DROSHA: variants seen among roughly 807,000 people sequenced by gnomAD.
The protein encoded by DROSHA is ribonuclease 3.
In DROSHA, 56 loss-of-function variants were observed where a neutral mutation model predicts 181.9. The ratio of observed to expected loss-of-function variants is 0.31; its 90% CI spans 0.25 to 0.38. The LOEUF is 0.38. Among genes scored for constraint, DROSHA ranks in the 10% least tolerant of loss-of-function variants. The probability of loss-of-function intolerance (pLI) is 1.00; values close to 1 mark genes in which losing one functional copy is unlikely to be tolerated. For synonymous variants in DROSHA, 524 were observed against 591.2 expected (o/e 0.89, Z 1.65); for missense variants, 1,218 against 1,743.5 (o/e 0.70, Z 5.37).
At chr5:31,495,618 T>C (rs898939200) in intron 11 of DROSHA, among the ~76,000 whole-genome samples, 2 of 152,082 alleles carry the variant, frequency 1.3e-5, no homozygotes. Context: ...AGGCCGCAAA[T>C]GTCTGAGGTT....
At chr5:31,449,539 G>T in intron 21 of DROSHA, 120 bp from the exon 22 acceptor site, 1 of 1,074,398 alleles carries the variant, frequency 9.3e-7, no homozygotes, top group Non-Finnish European at 1.3e-6. Flanking sequence ...ACTAGCCTGG[G>T]CAACACAGTG....
At chr5:31,405,917 GC>G (rs1271127269) in intron 34 of DROSHA, among the ~76,000 whole-genome samples, 194 bp from the exon 35 acceptor site, 2 of 151,812 alleles carry the variant, frequency 1.3e-5, no homozygotes, top group Admixed American at 1.3e-4. Flanking sequence ...ACAAGAGCAT[GC>G]AGAAATGTCA....
intron 23 of DROSHA, among the ~76,000 whole-genome samples, chr5:31,446,835 T>G (rs376150777): frequency 6.6e-6 from 1 of 151,718 alleles, no homozygotes; most frequent in Non-Finnish European, 1.5e-5. Flanking sequence ...AGGCCAGGAG[T>G]TGGAGACCAG....
chr5:31,413,666 C>T (rs1050957981), intron 30 of DROSHA, among the ~76,000 whole-genome samples: 4 of 152,174 alleles, frequency 2.6e-5, no homozygotes, highest in Non-Finnish European at 4.4e-5. Context: ...TCAGAAGCCA[C>T]GTGCAGACCG....
At chr5:31,517,218 AAC>A (rs967664723) in intron 6 of DROSHA, among the ~76,000 whole-genome samples, 1 of 152,178 alleles carries the variant, frequency 6.6e-6, no homozygotes, top group Non-Finnish European at 1.5e-5. Context: ...AATTGGTTGA[AAC>A]AGTTTTCATT....
chr5:31,484,784 A>G, intron 15 of DROSHA, 97 bp downstream of exon 15: 1 of 851,554 alleles, frequency 1.2e-6, no homozygotes, highest in South Asian at 1.7e-5. Context: ...AATAAGAGAA[A>G]TTTCAACTAT....
chr5:31,520,848 A>T (rs1291068844), intron 6 of DROSHA, among the ~76,000 whole-genome samples: 1 of 152,146 alleles, frequency 6.6e-6, no homozygotes, highest in Non-Finnish European at 1.5e-5. Context: ...AAGGTTTTTT[A>T]AAATGATTAA....
At chr5:31,498,688 T>C (rs1056025585) in intron 11 of DROSHA, among the ~76,000 whole-genome samples, 3 of 151,832 alleles carry the variant, frequency 2.0e-5, no homozygotes, top group African/African-American at 7.3e-5. Context: ...AGAAACCCCA[T>C]CTCTACTAAA....
At chr5:31,482,751 C>G (rs927696705) in intron 16 of DROSHA, among the ~76,000 whole-genome samples, 27 of 129,336 alleles carry the variant, frequency 2.1e-4, no homozygotes, top group African/African-American at 7.0e-4. Flanking sequence ...GAATAGGGTG[C>G]CAGAAGCCTC....
chr5:31,411,011 A>ATTT lies in DROSHA; in HGVS notation c.3526-125_3526-124insAAA. 7.4e-7 allele frequency: 1 copy of ATTT among 1,357,920 alleles called. No homozygotes were observed. The highest frequency in any genetic ancestry group is 1.0e-6 in the Non-Finnish European group (1 of 990,882). The allele number at this position is 1,357,920 out of a possible 1,614,324, so 84.1% of individuals were successfully genotyped here. ...AGGGACACCAAAATAAGTGAGGTCT[A>ATTT]TGGCCTCAACCATCACCCAGATGAC... On this transcript the variant is annotated intron_variant, in intron 30 of 35. Transcript: ENST00000344624. This position sits in a 1 kb window ranked among gnomAD's most constrained non-coding sequence, Gnocchi z 4.2.
At chr5:31,494,349 A>G (rs547723011) in intron 12 of DROSHA, among the ~76,000 whole-genome samples, 3 of 152,232 alleles carry the variant, frequency 2.0e-5, no homozygotes, top group Non-Finnish European at 4.4e-5. Context: ...CAGATATTAG[A>G]TTTCATTCGT....
Position 31,470,623 on chromosome 5 carries a change from G to GA in DROSHA, c.2241+1439dup, listed in dbSNP as rs1423448289. ...GCAGTGAGAAAATCAAACGTTTGAGGATTTTTTTTTAACTACAGAAAACTG... is the reference window on the plus strand; with the variant it reads ...GCAGTGAGAAAATCAAACGTTTGAGGAATTTTTTTTTAACTACAGAAAACTG... On this transcript the variant is annotated intron_variant, in intron 17 of 35. Transcript: ENST00000344624. This position sits in a 1 kb window ranked among gnomAD's most constrained non-coding sequence, Gnocchi z 4.0. 2.6e-5 allele frequency among the ~76,000 whole-genome samples: 4 copies of GA among 152,060 alleles called. No homozygotes were observed. Among genetic ancestry groups the GA allele is most frequent in the Non-Finnish European group, 4.4e-5 (3 of 68,016 alleles).
intron 19 of DROSHA, among the ~76,000 whole-genome samples, chr5:31,465,706 C>A (rs1748919134): frequency 6.6e-6 from 1 of 151,448 alleles, no homozygotes; most frequent in Non-Finnish European, 1.5e-5. Flanking sequence ...TGGTGCCTTC[C>A]CCACAGTAAT....
intron 25 of DROSHA, among the ~76,000 whole-genome samples, chr5:31,434,109 A>G (rs915725395): frequency 6.6e-6 from 1 of 152,206 alleles, no homozygotes; most frequent in African/African-American, 2.4e-5. Context: ...GTGGAAGAAG[A>G]CCACATAGAA....
In DROSHA at chr5:31,446,319, C is replaced by T. The variant is rs577448753; in HGVS notation, c.2882+2228G>A. ...AAAATTAGCCGGGTGTGGTGGCGGG[C>T]GCCTGTAGTCCCAGCTACTCGGTAG... is the stretch of plus-strand genomic sequence containing the variant. On this transcript the variant is annotated intron_variant, in intron 23 of 35. Transcript: ENST00000344624. Among the ~76,000 whole-genome samples, 502 of 151,596 alleles carry T rather than the reference C, an allele frequency of 3.3e-3. 2 individuals are homozygous for T. Among genetic ancestry groups the T allele is most frequent in the African/African-American group, 0.011 (442 of 41,330 alleles).
chr5:31,500,917 G>A (rs1489509340), intron 11 of DROSHA, among the ~76,000 whole-genome samples: 29 of 152,144 alleles, frequency 1.9e-4, no homozygotes, highest in Admixed American at 1.6e-3. Context: ...TAGTTTGTAC[G>A]AACATAAGAA....
intron 33 of DROSHA, among the ~76,000 whole-genome samples, chr5:31,407,609 C>T (rs1740801218): frequency 6.6e-6 from 1 of 151,992 alleles, no homozygotes; most frequent in South Asian, 2.1e-4. Flanking sequence ...AAGTAGCCAA[C>T]AAAGATAATG....
rs58046266 is a variant in DROSHA at position 31,436,741 on chromosome 5, A to AAC, written c.2942+496_2942+497dup. Among the ~76,000 whole-genome samples, 1,322 of 137,748 alleles carry AAC rather than the reference A, an allele frequency of 9.6e-3. 14 individuals are homozygous for AAC. Among genetic ancestry groups the AAC allele is most frequent in the Non-Finnish European group, 0.013 (836 of 64,242 alleles). The allele number at this position is 137,748 out of a possible 152,430, so 90.4% of individuals were successfully genotyped here. A position where few individuals can be genotyped will look rare whatever the true frequency, so the allele number is the denominator to read the frequency against. On this transcript the variant is annotated intron_variant, in intron 24 of 35. Coordinates refer to ENST00000344624, the MANE Select transcript of DROSHA (RefSeq NM_001382508.1). ...GGATCCTAAAACACTTCTGGAGAGAAACACACACACACACACACACACACA... is the reference window on the plus strand; with the variant it reads ...GGATCCTAAAACACTTCTGGAGAGAAACACACACACACACACACACACACACA...
intron 31 of DROSHA, among the ~76,000 whole-genome samples, chr5:31,410,010 A>G (rs1741118253): frequency 6.6e-6 from 1 of 151,658 alleles, no homozygotes; most frequent in African/African-American, 2.4e-5. Context: ...TTTAATTTTT[A>G]TGTGATTTTC....
Sources: gnomAD v4.1 joint callset for allele counts (sites outside exome capture counted in the v4.1 genomes callset) on GRCh38, gnomAD v4.1.1 for gene constraint, Gnocchi (gnomAD v3.1) non-coding constraint, MANE v1.5 for transcripts, NCBI Gene and HGNC (gene_info 2026-07-23, HGNC 2026-07-21) for gene names.